The following CNTNAP2 variants were observed in gnomAD, a reference collection of about 807,000 sequenced individuals.
The protein encoded by CNTNAP2 is contactin-associated protein-like 2.
A neutral mutation model predicts 155.2 loss-of-function variants in CNTNAP2; 98 were observed. The ratio of observed to expected loss-of-function variants is 0.63; its 90% CI spans 0.54 to 0.75. The LOEUF is 0.75. CNTNAP2 is among the 30% of genes least tolerant of loss of function. CNTNAP2 has a pLI of 0.00. For synonymous variants in CNTNAP2, 651 were observed against 631.2 expected (o/e 1.03, Z -0.47); for missense variants, 1,727 against 1,688.1 (o/e 1.02, Z -0.40).
chr7:148,346,519 C>G (rs1798328232), intron 21 of CNTNAP2, among the ~76,000 whole-genome samples: 1 of 152,184 alleles, frequency 6.6e-6, no homozygotes, highest in Non-Finnish European at 1.5e-5. Flanking sequence ...TGCCTTTAAT[C>G]CCAGCACTTT....
At chr7:146,237,994 G>C (rs1799501350) in intron 1 of CNTNAP2, among the ~76,000 whole-genome samples, 1 of 152,162 alleles carries the variant, frequency 6.6e-6, no homozygotes, top group African/African-American at 2.4e-5. Flanking sequence ...ATCTGTCTTT[G>C]TTCCAAAAGC....
At chr7:146,928,441 A>T (rs1026357300) in intron 3 of CNTNAP2, among the ~76,000 whole-genome samples, 2 of 152,132 alleles carry the variant, frequency 1.3e-5, no homozygotes, top group African/African-American at 4.8e-5. Context: ...AATTTGTTCA[A>T]TTCGGGACTC....
intron 12 of CNTNAP2, among the ~76,000 whole-genome samples, chr7:147,580,763 G>C (rs1199899118): frequency 6.6e-6 from 1 of 152,022 alleles, no homozygotes; most frequent in South Asian, 2.1e-4. Flanking sequence ...CTACAGGCAT[G>C]TGCCACCGTG....
intron 1 of CNTNAP2, among the ~76,000 whole-genome samples, chr7:146,453,187 C>T (rs1796507645): frequency 6.6e-6 from 1 of 152,130 alleles, no homozygotes; most frequent in Admixed American, 6.5e-5. Flanking sequence ...AGAACTGATT[C>T]GGGAGTGTTT....
At chr7:148,112,190 G>T (rs957439920) in intron 15 of CNTNAP2, among the ~76,000 whole-genome samples, 1 of 152,086 alleles carries the variant, frequency 6.6e-6, no homozygotes, top group South Asian at 2.1e-4. Flanking sequence ...GAGAGAATTC[G>T]TGGCAGATAC....
At chr7:147,142,559 G>T (rs1801620498) in intron 8 of CNTNAP2, among the ~76,000 whole-genome samples, 1 of 152,010 alleles carries the variant, frequency 6.6e-6, no homozygotes, top group African/African-American at 2.4e-5. Context: ...TCTCTGCCAG[G>T]CTTTGGTATC....
chr7:148,313,649 TGCTAC>T, intron 21 of CNTNAP2, among the ~76,000 whole-genome samples: 1 of 152,186 alleles, frequency 6.6e-6, no homozygotes, highest in Admixed American at 6.5e-5. Flanking sequence ...AGAAATACAT[TGCTAC>T]TTGGCTGCCT....
In CNTNAP2 at chr7:147,815,252, G is replaced by A. The variant is rs117057445; in HGVS notation, c.2099-88313G>A. ...TCTCACACAATTCTATAGGTCATAA[G>A]TCTGAGTTGATTCTGCTGGTTTCTC... On this transcript the variant is annotated intron_variant, in intron 13 of 23. Transcript: ENST00000361727. Among the ~76,000 whole-genome samples the A allele has an allele frequency of 1.8e-4, 28 of 152,126 alleles. No individual in the cohort carries two copies. In the East Asian group the frequency reaches 5.0e-3, roughly 27 times the overall value.
rs1491194490 is a variant in CNTNAP2, at chr7:148,308,553, ATT to A, written c.3475+41429_3475+41430del. Reference sequence around the variant, plus strand: ...TTTTTCCATTTTAACCTATTTATGTATTTATTTATTTATTTATTTATTTATTT... The same window carrying A: ...TTTTTCCATTTTAACCTATTTATGTATATTTATTTATTTATTTATTTATTT... On this transcript the variant is annotated intron_variant, in intron 21 of 23. Coordinates refer to ENST00000361727, the MANE Select transcript of CNTNAP2 (RefSeq NM_014141.6). Among the ~76,000 whole-genome samples the A allele has an allele frequency of 8.1e-3, 4 of 494 alleles. 1 individual carries two copies. The highest frequency in any genetic ancestry group is 0.079 in the Non-Finnish European group (3 of 38). The allele number at this position is 494 out of a possible 152,430, so 0.3% of individuals were successfully genotyped here.
At chr7:146,988,602 A>G (rs1798157092) in intron 3 of CNTNAP2, among the ~76,000 whole-genome samples, 1 of 152,156 alleles carries the variant, frequency 6.6e-6, no homozygotes, top group East Asian at 1.9e-4. Flanking sequence ...GAAGCTTTAT[A>G]AAGGATCAGT....
chr7:147,473,494 A>G (rs1172416817), intron 10 of CNTNAP2, among the ~76,000 whole-genome samples: 3 of 151,998 alleles, frequency 2.0e-5, no homozygotes, highest in South Asian at 2.1e-4. Flanking sequence ...CGAGGGTCCA[A>G]TTACCTTCCT....
At chr7:146,938,348 C>T (rs1484160602) in intron 3 of CNTNAP2, among the ~76,000 whole-genome samples, 1 of 149,706 alleles carries the variant, frequency 6.7e-6, no homozygotes, top group Non-Finnish European at 1.5e-5. Context: ...ATATATCTCT[C>T]TGTATATTTA....
intron 1 of CNTNAP2, among the ~76,000 whole-genome samples, chr7:146,183,762 G>A (rs1321254221): frequency 3.3e-5 from 5 of 152,050 alleles, no homozygotes; most frequent in South Asian, 2.1e-4. Context: ...GAGTAGCGAC[G>A]TTTTGTCTAA....
chr7:147,590,199 TTTTA>T (rs1483256135), intron 12 of CNTNAP2, among the ~76,000 whole-genome samples: 7 of 152,306 alleles, frequency 4.6e-5, no homozygotes, highest in East Asian at 1.9e-4. Flanking sequence ...TCCTATCTTC[TTTTA>T]TTTATTTTTT....
At chr7:147,243,353 T>A (rs1425536941) in intron 8 of CNTNAP2, among the ~76,000 whole-genome samples, 1 of 152,114 alleles carries the variant, frequency 6.6e-6, no homozygotes, top group Non-Finnish European at 1.5e-5. Context: ...TATCTAATTT[T>A]CTATTTTTAT....
chr7:147,954,241 C>T (rs1563147142), intron 14 of CNTNAP2, among the ~76,000 whole-genome samples: 2 of 152,076 alleles, frequency 1.3e-5, no homozygotes, highest in Admixed American at 6.6e-5. Context: ...GTGCCTCTCA[C>T]AGAGACCTCT....
chr7:146,481,001 G>GAA, intron 1 of CNTNAP2, among the ~76,000 whole-genome samples: 1 of 141,266 alleles, frequency 7.1e-6, no homozygotes, highest in African/African-American at 3.0e-5. Context: ...GTATATTAAT[G>GAA]AAAATTTTTT....
intron 1 of CNTNAP2, among the ~76,000 whole-genome samples, chr7:146,361,282 G>A (rs1472461216): frequency 6.6e-6 from 1 of 152,112 alleles, no homozygotes; most frequent in East Asian, 1.9e-4. Context: ...TGCATATTCA[G>A]AGGGCATACT....
intron 4 of CNTNAP2, among the ~76,000 whole-genome samples, chr7:147,064,741 G>A (rs887193026): frequency 6.6e-6 from 1 of 152,108 alleles, no homozygotes; most frequent in African/African-American, 2.4e-5. Context: ...TTACTGTAGG[G>A]AATGGAAAAT....
Sources: gnomAD v4.1 joint callset for allele counts (sites outside exome capture counted in the v4.1 genomes callset) on GRCh38, gnomAD v4.1.1 for gene constraint, MANE v1.5 for transcripts, NCBI Gene and HGNC (gene_info 2026-07-23, HGNC 2026-07-21) for gene names.